The following ACYP2 variants were observed in gnomAD, a reference collection of about 807,000 sequenced individuals.
The protein encoded by ACYP2 is acylphosphatase 2.
In ACYP2, 12 loss-of-function variants were observed where a neutral mutation model predicts 11.2. That is an observed-to-expected ratio of 1.08 (90% CI 0.69 to 1.74). The LOEUF is 1.74. Ranked by LOEUF, ACYP2 falls within the 40% of genes most tolerant of loss-of-function variation. The pLI, the probability that ACYP2 is intolerant of heterozygous loss-of-function variation, is 0.00. For missense variants in ACYP2, 134 were observed against 101.9 expected (o/e 1.31, Z -1.35); for synonymous variants, 43 against 32.2 (o/e 1.33, Z -1.13).
intron 6 of ACYP2, among the ~76,000 whole-genome samples, chr2:54,247,278 G>A (rs1686998933): frequency 6.6e-6 from 1 of 152,072 alleles, no homozygotes; most frequent in Non-Finnish European, 1.5e-5. Context: ...TGCCATTGCT[G>A]ACAAGCCAAG....
intron 6 of ACYP2, among the ~76,000 whole-genome samples, chr2:54,247,070 A>G (rs924273648): frequency 7.9e-5 from 12 of 152,202 alleles, no homozygotes; most frequent in African/African-American, 2.2e-4. Context: ...AAATTAGATT[A>G]GAAGACAATT....
At chr2:54,070,286 A>G (rs959107998) in intron 4 of ACYP2, among the ~76,000 whole-genome samples, 5 of 151,606 alleles carry the variant, frequency 3.3e-5, no homozygotes, top group Non-Finnish European at 1.5e-5. Flanking sequence ...AAAAAAAAAA[A>G]AAGAAAGAAA....
intron 2 of ACYP2, among the ~76,000 whole-genome samples, chr2:53,994,223 G>T (rs1400341902): frequency 2.0e-5 from 3 of 151,100 alleles, no homozygotes; most frequent in South Asian, 2.1e-4. Context: ...CCAGCTACTC[G>T]GAAGGCTGAG....
intron 6 of ACYP2, among the ~76,000 whole-genome samples, chr2:54,182,577 GTCC>G (rs1265818939): frequency 6.6e-6 from 1 of 151,906 alleles, no homozygotes; most frequent in African/African-American, 2.4e-5. Flanking sequence ...GGCTCAAGCA[GTCC>G]TCCTGCCTTG....
At chr2:54,262,436 A>C (rs1687820681) in intron 6 of ACYP2, among the ~76,000 whole-genome samples, 1 of 152,242 alleles carries the variant, frequency 6.6e-6, no homozygotes, top group Non-Finnish European at 1.5e-5. Flanking sequence ...AGTGTTAGAC[A>C]TAATCACTCT....
intron 6 of ACYP2, among the ~76,000 whole-genome samples, chr2:54,204,359 T>A (rs1401714079): frequency 6.6e-6 from 1 of 151,948 alleles, no homozygotes; most frequent in Non-Finnish European, 1.5e-5. Flanking sequence ...TTAGTGTATT[T>A]TATGTGTGGC....
chr2:54,159,269 G>A (rs192078111), intron 6 of ACYP2, among the ~76,000 whole-genome samples: 7 of 151,948 alleles, frequency 4.6e-5, no homozygotes, highest in Non-Finnish European at 7.4e-5. Flanking sequence ...ATTCGGTCAC[G>A]TGAAGGTGGC....
At chr2:54,151,785 A>G (rs1163620637) in intron 6 of ACYP2, among the ~76,000 whole-genome samples, 1 of 152,206 alleles carries the variant, frequency 6.6e-6, no homozygotes, top group African/African-American at 2.4e-5. Context: ...ATATATGTGC[A>G]TTTAGTAAGG....
intron 2 of ACYP2, among the ~76,000 whole-genome samples, chr2:53,982,595 C>G (rs1198493920): frequency 1.3e-5 from 2 of 152,160 alleles, no homozygotes; most frequent in Non-Finnish European, 1.5e-5. Context: ...CACCCACTGC[C>G]TAGAATTCAA....
At chr2:54,258,423 GA>G (rs1229886971) in intron 6 of ACYP2, among the ~76,000 whole-genome samples, 1 of 152,162 alleles carries the variant, frequency 6.6e-6, no homozygotes, top group Non-Finnish European at 1.5e-5. Flanking sequence ...AAATAACAAG[GA>G]GGCCAGCGTG....
intron 2 of ACYP2, among the ~76,000 whole-genome samples, chr2:54,016,885 C>T (rs1338786693): frequency 6.6e-6 from 1 of 152,014 alleles, no homozygotes; most frequent in African/African-American, 2.4e-5. Context: ...GCCACCACGC[C>T]CGGCTAATTT....
intron 2 of ACYP2, among the ~76,000 whole-genome samples, chr2:54,011,311 G>A (rs1421818973): frequency 1.3e-5 from 2 of 151,966 alleles, no homozygotes; most frequent in Non-Finnish European, 2.9e-5. Context: ...CCATTTAAAC[G>A]TAATTTTTAT....
chr2:54,089,741 A>C (rs902135362), intron 4 of ACYP2, among the ~76,000 whole-genome samples: 30 of 152,030 alleles, frequency 2.0e-4, no homozygotes, highest in African/African-American at 7.0e-4. Flanking sequence ...CGCGGTCCCA[A>C]AACCAAACAG....
At position 54,090,206 on chromosome 2, in the gene ACYP2, A is replaced by G. The variant is rs571657319; in HGVS notation, c.277+32846A>G. ...GTCTAATAACTTTGATGATGAGAAA[A>G]TGTTGGGAATCCTCTTCTTGGCATT... On this transcript the variant is annotated intron_variant, in intron 4 of 6. Transcript: ENST00000607452. Among the ~76,000 whole-genome samples the G allele has an allele frequency of 1.1e-4, 17 of 152,026 alleles. No homozygotes were observed. The East Asian group carries it at 2.7e-3, about 24-fold the overall frequency.
chr2:53,996,246 T>A (rs545464590), intron 2 of ACYP2, among the ~76,000 whole-genome samples: 55 of 152,268 alleles, frequency 3.6e-4, no homozygotes, highest in African/African-American at 1.1e-3. Flanking sequence ...TATTTAGAGT[T>A]GTGTAGTTTT....
intron 6 of ACYP2, among the ~76,000 whole-genome samples, chr2:54,188,932 C>G (rs143817930): frequency 2.6e-5 from 4 of 152,186 alleles, no homozygotes; most frequent in African/African-American, 4.8e-5. Flanking sequence ...ACTCTGGATC[C>G]TAGCCCACCT....
At chr2:54,076,606 A>T (rs756707535) in intron 4 of ACYP2, among the ~76,000 whole-genome samples, 12 of 152,358 alleles carry the variant, frequency 7.9e-5, no homozygotes, top group Non-Finnish European at 1.3e-4. Context: ...TTTTATATAG[A>T]ATATCATTTA....
chr2:54,127,152 G>A (rs942027498), intron 4 of ACYP2, among the ~76,000 whole-genome samples: 3 of 137,244 alleles, frequency 2.2e-5, no homozygotes, highest in Admixed American at 1.6e-4. Context: ...ATTTACATCC[G>A]TATTCTACAT....
chr2:54,010,737 C>CTTTTTT lies in ACYP2; in HGVS notation c.62+36950_62+36955dup, dbSNP rs539896151. ...CTTCGGTTTCTCTTTTTCTTTCTTT[C>CTTTTTT]TTTTTTTTTTTTTTTTTTTTTTTTT... On this transcript the variant is annotated intron_variant, in intron 2 of 6. Coordinates refer to ENST00000607452, the MANE Select transcript of ACYP2 (RefSeq NM_001320586.2). Among the ~76,000 whole-genome samples the CTTTTTT allele has an allele frequency of 1.9e-3, 204 of 107,586 alleles. 4 individuals are homozygous for CTTTTTT. Among genetic ancestry groups the CTTTTTT allele is most frequent in the African/African-American group, 4.0e-3 (108 of 27,044 alleles). 70.6% of individuals were successfully genotyped at this position (107,586 alleles called of 152,430 possible).
Sources: allele counts gnomAD v4.1 joint callset (sites outside exome capture counted in the v4.1 genomes callset), GRCh38; gene constraint gnomAD v4.1.1; transcripts MANE v1.5; gene names NCBI Gene and HGNC (gene_info 2026-07-23, HGNC 2026-07-21).